Variants in LYRM4 observed in about 807,000 individuals in gnomAD.
LYRM4 encodes the protein LYR motif-containing protein 4.
LYRM4 carries 9 observed loss-of-function variants against 11.7 expected under a neutral mutation model. That is an observed-to-expected ratio of 0.77 (90% CI 0.46 to 1.34). LYRM4 has a LOEUF of 1.34. Among genes scored for constraint, LYRM4 ranks in the 40% most tolerant of loss-of-function variants. The probability of loss-of-function intolerance (pLI) is 0.00; values close to 1 mark genes in which losing one functional copy is unlikely to be tolerated. For missense variants in LYRM4, 133 were observed against 112.5 expected, an observed-to-expected ratio of 1.18 and a Z score of -0.82; for synonymous variants, 42 against 40.4, an observed-to-expected ratio of 1.04 and a Z score of -0.15.
intron 2 of LYRM4, among the ~76,000 whole-genome samples, chr6:5,214,870 G>A (rs895066862): frequency 6.6e-6 from 1 of 151,780 alleles, no homozygotes; most frequent in Non-Finnish European, 1.5e-5. Flanking sequence ...CATCCCTGAG[G>A]TGGTGACAGC....
At chr6:5,222,539 C>T (rs1473559484) in intron 1 of LYRM4, among the ~76,000 whole-genome samples, 1 of 152,008 alleles carries the variant, frequency 6.6e-6, no homozygotes, top group African/African-American at 2.4e-5. Context: ...CAAGTTAACA[C>T]AAAGGGCCCA....
At chr6:5,178,804 CAAAAAAAAA>C (rs56880549) in intron 2 of LYRM4, among the ~76,000 whole-genome samples, 3 of 30,026 alleles carry the variant, frequency 1.0e-4, no homozygotes, top group East Asian at 1.5e-3. Flanking sequence ...GACTCTGTCT[CAAAAAAAAA>C]AAAAAAAAAA....
chr6:5,113,298 G>A (rs1006870400), intron 2 of LYRM4: 4 of 448,490 alleles, frequency 8.9e-6, no homozygotes, highest in Admixed American at 2.4e-5. Context: ...GGTGGCACGC[G>A]CCAATAATCC....
At chr6:5,049,584 A>G in the LYRM4 span, among the ~76,000 whole-genome samples, 1 of 152,216 alleles carries the variant, frequency 6.6e-6, no homozygotes, top group African/African-American at 2.4e-5. Flanking sequence ...CATCTGTAAC[A>G]TAATAACAGC....
intron 1 of LYRM4, among the ~76,000 whole-genome samples, chr6:5,246,189 T>C (rs1373726310): frequency 6.6e-6 from 1 of 152,136 alleles, no homozygotes; most frequent in Non-Finnish European, 1.5e-5. Context: ...TGGAATCACA[T>C]GAAGGTCTAC....
chr6:5,257,390 T>C (rs950943745), intron 1 of LYRM4, among the ~76,000 whole-genome samples: 15 of 152,230 alleles, frequency 9.9e-5, no homozygotes, highest in Admixed American at 6.5e-5. Context: ...TACATCCTTC[T>C]GTCACAGCAC....
At chr6:5,101,474 T>C (rs769967236), downstream of LYRM4, among the ~76,000 whole-genome samples, 2 of 152,196 alleles carry the variant, frequency 1.3e-5, no homozygotes, top group South Asian at 2.1e-4. Flanking sequence ...AAGTAGGTAT[T>C]TGATTAACTC....
the LYRM4 span, among the ~76,000 whole-genome samples, chr6:5,092,466 C>A: frequency 6.6e-6 from 1 of 152,024 alleles, no homozygotes; most frequent in Non-Finnish European, 1.5e-5. Flanking sequence ...AATCCCAGCA[C>A]TTTCGGAGGC....
intron 2 of LYRM4, among the ~76,000 whole-genome samples, chr6:5,191,089 A>C (rs1029985692): frequency 2.6e-5 from 4 of 152,210 alleles, no homozygotes; most frequent in Non-Finnish European, 5.9e-5. Flanking sequence ...TTATGGCAAC[A>C]CTGTAATAGA....
At chr6:5,252,339 G>A (rs985630134) in intron 1 of LYRM4, among the ~76,000 whole-genome samples, 4 of 152,162 alleles carry the variant, frequency 2.6e-5, no homozygotes, top group African/African-American at 7.2e-5. Flanking sequence ...GACCAATCAA[G>A]TTGCTTCTCC....
intron 2 of LYRM4, among the ~76,000 whole-genome samples, chr6:5,151,509 C>T (rs1160274321): frequency 1.3e-5 from 2 of 152,202 alleles, no homozygotes; most frequent in African/African-American, 4.8e-5. Context: ...CGTGCCAATT[C>T]CACCCACTTC....
chr6:5,129,735 C>T (rs1581336008), intron 2 of LYRM4, among the ~76,000 whole-genome samples: 1 of 152,286 alleles, frequency 6.6e-6, no homozygotes, highest in Non-Finnish European at 1.5e-5. Flanking sequence ...ACCAGATCTT[C>T]CTTTATGGCT....
chr6:5,184,078 C>CT (rs1033057854), intron 2 of LYRM4, among the ~76,000 whole-genome samples: 6 of 151,640 alleles, frequency 4.0e-5, no homozygotes, highest in African/African-American at 1.2e-4. Flanking sequence ...AAAAGTCATA[C>CT]TTTTTTTTTC....
At chr6:5,208,259 T>C (rs551445467) in intron 2 of LYRM4, among the ~76,000 whole-genome samples, 1 of 152,298 alleles carries the variant, frequency 6.6e-6, no homozygotes, top group African/African-American at 2.4e-5. Context: ...ATTAGGCAAA[T>C]AGGCAACTTG....
At chr6:5,107,202 T>C (rs573808918), downstream of LYRM4, 1 of 152,378 alleles carries the variant, frequency 6.6e-6, no homozygotes, top group East Asian at 1.9e-4. Flanking sequence ...TTCAAACCCA[T>C]TCATGCAGTT....
chr6:5,096,386 A>T, the LYRM4 span, among the ~76,000 whole-genome samples: 1 of 152,130 alleles, frequency 6.6e-6, no homozygotes, highest in African/African-American at 2.4e-5. Context: ...GCTACTTGAG[A>T]GGCTGAGGTA....
At chr6:5,181,745 C>G (rs1166335714) in intron 2 of LYRM4, among the ~76,000 whole-genome samples, 5 of 152,194 alleles carry the variant, frequency 3.3e-5, no homozygotes, top group African/African-American at 1.2e-4. Flanking sequence ...CTTCCTACTG[C>G]TCTTCTCAGC....
the LYRM4 span, among the ~76,000 whole-genome samples, chr6:5,097,129 G>A: frequency 1.3e-5 from 2 of 152,260 alleles, no homozygotes; most frequent in Non-Finnish European, 2.9e-5. Context: ...AGCTGCATGC[G>A]GTGAGGGCCT....
chr6:5,138,418 G>A (rs1449875723), intron 2 of LYRM4, among the ~76,000 whole-genome samples: 1 of 135,654 alleles, frequency 7.4e-6, no homozygotes, highest in African/African-American at 2.7e-5. Flanking sequence ...TGGGGAGGTT[G>A]AGGCTGCGGA....
Sources: allele counts gnomAD v4.1 joint callset (sites outside exome capture counted in the v4.1 genomes callset), GRCh38; gene constraint gnomAD v4.1.1; transcripts MANE v1.5; gene names NCBI Gene and HGNC (gene_info 2026-07-23, HGNC 2026-07-21).